Variants in NOX4 observed in about 807,000 individuals in gnomAD.
NOX4 encodes the protein NADPH oxidase 4.
A neutral mutation model predicts 87.6 loss-of-function variants in NOX4; 69 were observed. That is an observed-to-expected ratio of 0.79 (90% confidence interval 0.65 to 0.96). NOX4 has a LOEUF of 0.96. NOX4 is among the 40% of genes least tolerant of loss of function. NOX4 has a pLI of 0.00. For missense variants in NOX4, 680 were observed against 681.5 expected (o/e 1.00, Z 0.02); for synonymous variants, 275 against 238.2 (o/e 1.15, Z -1.42).
the NOX4 span, among the ~76,000 whole-genome samples, chr11:89,554,093 T>C: frequency 3.9e-5 from 6 of 152,092 alleles, no homozygotes; most frequent in South Asian, 4.1e-4. Context: ...AGGATGTATT[T>C]TTTTTTTCAG....
intron 6 of NOX4, among the ~76,000 whole-genome samples, chr11:89,438,859 TATATATTATATATATAATATATA>T (rs1944290630): frequency 8.2e-5 from 3 of 36,422 alleles, no homozygotes; most frequent in Middle Eastern, 0.028. Flanking sequence ...TATAATATAT[TATATATTATATATATAATATATA>T]ATATATTATA....
At chr11:89,507,415 C>A in the NOX4 span, among the ~76,000 whole-genome samples, 3 of 150,820 alleles carry the variant, frequency 2.0e-5, no homozygotes, top group Non-Finnish European at 4.4e-5. Flanking sequence ...ATAGGTAATA[C>A]ATACCATATA....
intron 9 of NOX4, among the ~76,000 whole-genome samples, chr11:89,400,708 AG>A (rs1941790489): frequency 6.6e-6 from 1 of 151,942 alleles, no homozygotes; most frequent in Admixed American, 6.6e-5. Context: ...ATTTAATAAA[AG>A]AATAAAGGGG....
chr11:89,480,068 G>T (rs1480883227), intron 2 of NOX4, among the ~76,000 whole-genome samples: 1 of 152,108 alleles, frequency 6.6e-6, no homozygotes, highest in Non-Finnish European at 1.5e-5. Flanking sequence ...TCCACATTTG[G>T]TTGAAAACAA....
intron 2 of NOX4, among the ~76,000 whole-genome samples, chr11:89,467,345 G>T (rs574672935): frequency 4.1e-4 from 28 of 67,716 alleles, no homozygotes; most frequent in African/African-American, 2.2e-3. Flanking sequence ...AGCCAAACTC[G>T]TCACAAAAAA....
At chr11:89,543,573 T>C in the NOX4 span, among the ~76,000 whole-genome samples, 1 of 152,066 alleles carries the variant, frequency 6.6e-6, no homozygotes, top group Non-Finnish European at 1.5e-5. Flanking sequence ...GGAGGAAAAG[T>C]GATAGAATGA....
intron 2 of NOX4, among the ~76,000 whole-genome samples, chr11:89,465,849 T>C (rs1003213362): frequency 1.3e-5 from 2 of 152,000 alleles, no homozygotes; most frequent in Admixed American, 1.3e-4. Flanking sequence ...TAAATTTGTT[T>C]AAGTTCTTTG....
chr11:89,398,710 G>T (rs1201143210), intron 11 of NOX4, among the ~76,000 whole-genome samples: 1 of 151,046 alleles, frequency 6.6e-6, no homozygotes, highest in East Asian at 2.0e-4. Flanking sequence ...AAATAGTTTT[G>T]CTATCTTTCT....
chr11:89,452,519 T>A (rs1233486824), intron 2 of NOX4, among the ~76,000 whole-genome samples: 1 of 152,188 alleles, frequency 6.6e-6, no homozygotes, highest in Non-Finnish European at 1.5e-5. Context: ...CCTGATTATG[T>A]CTCTAACCTC....
intron 11 of NOX4, among the ~76,000 whole-genome samples, chr11:89,379,192 G>C (rs1250896381): frequency 6.6e-6 from 1 of 152,004 alleles, no homozygotes; most frequent in African/African-American, 2.4e-5. Context: ...ACACATTTTT[G>C]AAAAGTGACA....
intron 8 of NOX4, among the ~76,000 whole-genome samples, chr11:89,417,051 TTAAA>T (rs892590210): frequency 7.9e-5 from 12 of 152,092 alleles, no homozygotes; most frequent in African/African-American, 2.9e-4. Flanking sequence ...TCTCACTCAG[TTAAA>T]TAAAGACATA....
chr11:89,329,863 A>G (rs1458713687), intron 17 of NOX4, among the ~76,000 whole-genome samples: 1 of 152,074 alleles, frequency 6.6e-6, no homozygotes, highest in Non-Finnish European at 1.5e-5. Flanking sequence ...GCAAACCAGC[A>G]CTATAAAGGA....
chr11:89,586,058 A>T, the NOX4 span, among the ~76,000 whole-genome samples: 1 of 152,172 alleles, frequency 6.6e-6, no homozygotes, highest in Admixed American at 6.6e-5. Context: ...ATCAAAATGC[A>T]GTGCTCTAGA....
intron 16 of NOX4, 26 bp from the exon 17 acceptor site, chr11:89,335,971 T>A (rs1945695658): frequency 7.1e-7 from 1 of 1,411,400 alleles, no homozygotes; most frequent in African/African-American, 1.4e-5. Flanking sequence ...CACTACATTA[T>A]TCGATATTTA....
chr11:89,359,487 G>C (rs895701820), intron 12 of NOX4, among the ~76,000 whole-genome samples: 2 of 146,294 alleles, frequency 1.4e-5, no homozygotes, highest in South Asian at 2.1e-4. Context: ...ACCTATTCCT[G>C]GGATGAGAAG....
chr11:89,370,490 A>AT (rs1939359975), intron 12 of NOX4, among the ~76,000 whole-genome samples: 2 of 152,044 alleles, frequency 1.3e-5, no homozygotes, highest in Admixed American at 1.3e-4. Context: ...AATACTAATC[A>AT]TATGTAACGA....
chr11:89,390,469 G>T (rs1238838900), intron 11 of NOX4, among the ~76,000 whole-genome samples: 1 of 152,154 alleles, frequency 6.6e-6, no homozygotes, highest in African/African-American at 2.4e-5. Flanking sequence ...CTATGAGATA[G>T]AGTGGTTTTA....
intron 2 of NOX4, among the ~76,000 whole-genome samples, chr11:89,488,507 G>T (rs1946718142): frequency 6.6e-6 from 1 of 152,032 alleles, no homozygotes; most frequent in South Asian, 2.1e-4. Context: ...CAGTATCCAA[G>T]TTCATGAAAA....
chr11:89,393,358 G>T (rs749785816), intron 11 of NOX4, among the ~76,000 whole-genome samples: 1 of 151,828 alleles, frequency 6.6e-6, no homozygotes, highest in African/African-American at 2.4e-5. Flanking sequence ...TTCTAGACTG[G>T]TCTCATTGTT....
Sources: allele counts gnomAD v4.1 joint callset (sites outside exome capture counted in the v4.1 genomes callset), GRCh38; gene constraint gnomAD v4.1.1; transcripts MANE v1.5; gene names NCBI Gene and HGNC (gene_info 2026-07-23, HGNC 2026-07-21).